TMCC1: variants seen among roughly 807,000 people sequenced by gnomAD.
TMCC1 encodes the protein transmembrane and coiled-coil domains protein 1.
Under a neutral mutation model 52.4 loss-of-function variants are expected in TMCC1, and 15 were observed. That is an observed-to-expected ratio of 0.29 (90% CI 0.19 to 0.44). The LOEUF is 0.44. Among genes scored for constraint, TMCC1 ranks in the 20% least tolerant of loss-of-function variants. The pLI is 1.00. For synonymous variants in TMCC1, 279 were observed against 301.9 expected (o/e 0.92, Z 0.79); for missense variants, 503 against 806.0 (o/e 0.62, Z 4.55).
At chr3:129,678,176 T>A (rs964042368) in intron 4 of TMCC1, among the ~76,000 whole-genome samples, 1 of 151,622 alleles carries the variant, frequency 6.6e-6, no homozygotes, top group Non-Finnish European at 1.5e-5. Flanking sequence ...CTCCTTGGAC[T>A]CCCAAAGTGC....
intron 2 of TMCC1, among the ~76,000 whole-genome samples, chr3:129,842,476 A>AC (rs1198585445): frequency 0.017 from 2,309 of 132,566 alleles, 46 homozygotes; most frequent in African/African-American, 0.075. Context: ...AAAAAAAACA[A>AC]AACACACACA....
Position 129,648,042 on chromosome 3 carries a change from C to G in TMCC1, c.*3439G>C, listed in dbSNP as rs933739774. 6.6e-6 allele frequency: 1 copy of G among 152,660 alleles called. No individual in the cohort carries two copies. Among genetic ancestry groups the G allele is most frequent in the African/African-American group, 2.4e-5 (1 of 41,448 alleles). The allele number at this position is 152,660 out of a possible 1,614,324, so 9.5% of individuals were successfully genotyped here. A position where few individuals can be genotyped will look rare whatever the true frequency, so the allele number is the denominator to read the frequency against. ...AGTAGTCAATCCCTACTGAGGATAT[C>G]ACCTAGCATACACGACATACAGACA... On this transcript the variant is annotated 3_prime_UTR_variant, in exon 7 of 7. Transcript: ENST00000393238.
At chr3:129,677,665 G>A (rs1454952604) in intron 4 of TMCC1, among the ~76,000 whole-genome samples, 1 of 152,092 alleles carries the variant, frequency 6.6e-6, no homozygotes, top group East Asian at 1.9e-4. Context: ...TGCTCAATAG[G>A]GTCTATGATA....
At chr3:129,793,166 A>AACACACACACACAC (rs149082077) in intron 4 of TMCC1, among the ~76,000 whole-genome samples, 3 of 148,440 alleles carry the variant, frequency 2.0e-5, no homozygotes, top group African/African-American at 7.4e-5. Flanking sequence ...GAGGCCTTCA[A>AACACACACACACAC]ACACACACAC....
chr3:129,786,002 T>C (rs996949709), intron 4 of TMCC1, among the ~76,000 whole-genome samples: 6 of 150,522 alleles, frequency 4.0e-5, no homozygotes, highest in Admixed American at 6.7e-5. Flanking sequence ...TGGCGCGATG[T>C]TGGCTCACTG....
At chr3:129,734,077 T>C (rs2050748454) in intron 4 of TMCC1, among the ~76,000 whole-genome samples, 1 of 152,176 alleles carries the variant, frequency 6.6e-6, no homozygotes, top group Admixed American at 6.5e-5. Flanking sequence ...AATTAGTATA[T>C]ACTAGAGAAA....
chr3:129,759,752 C>T (rs1271118220), intron 4 of TMCC1, among the ~76,000 whole-genome samples: 3 of 97,828 alleles, frequency 3.1e-5, no homozygotes, highest in Non-Finnish European at 3.7e-5. Flanking sequence ...GACGGAGTGT[C>T]GTTCTGTCAC....
At chr3:129,772,190 C>T (rs1291671333) in intron 4 of TMCC1, among the ~76,000 whole-genome samples, 1 of 152,020 alleles carries the variant, frequency 6.6e-6, no homozygotes, top group Non-Finnish European at 1.5e-5. Flanking sequence ...GACCTCTTCT[C>T]TACAAAAAAT....
chr3:129,740,316 C>G (rs2051351972), intron 4 of TMCC1, among the ~76,000 whole-genome samples: 1 of 152,176 alleles, frequency 6.6e-6, no homozygotes, highest in Non-Finnish European at 1.5e-5. Flanking sequence ...CCTGTGCCAG[C>G]TGATGACATC....
intron 2 of TMCC1, among the ~76,000 whole-genome samples, chr3:129,853,716 C>T (rs1016081719): frequency 3.3e-5 from 5 of 151,876 alleles, no homozygotes; most frequent in Admixed American, 6.6e-5. Context: ...AATCCATTAT[C>T]TCCTCTTTTT....
chr3:129,718,136 T>C (rs1356645916), intron 4 of TMCC1, among the ~76,000 whole-genome samples: 3 of 152,204 alleles, frequency 2.0e-5, no homozygotes, highest in African/African-American at 7.2e-5. Context: ...ACTAAGTTTA[T>C]TTTATCATTT....
In TMCC1 at chr3:129,707,104, A is replaced by G. The variant is rs142979364; in HGVS notation, c.577-35840T>C. 4.0e-3 allele frequency among the ~76,000 whole-genome samples: 608 copies of G among 152,348 alleles called. 6 individuals are homozygous for G. The highest frequency in any genetic ancestry group is 0.014 in the African/African-American group (593 of 41,574). Reference sequence around the variant, plus strand: ...AGTTGGTGATGAGAAAATACCCCTCATATACTGTTGCCATCTGTTTACATC... The same window carrying G: ...AGTTGGTGATGAGAAAATACCCCTCGTATACTGTTGCCATCTGTTTACATC... On this transcript the variant is annotated intron_variant, in intron 4 of 6. Transcript: ENST00000393238.
intron 4 of TMCC1, among the ~76,000 whole-genome samples, chr3:129,734,324 T>G (rs2050770046): frequency 6.6e-6 from 1 of 152,206 alleles, no homozygotes; most frequent in Non-Finnish European, 1.5e-5. Flanking sequence ...GTATACAGAC[T>G]TGCATAACAT....
At chr3:129,824,428 A>T (rs1478062271) in intron 4 of TMCC1, among the ~76,000 whole-genome samples, 1 of 152,216 alleles carries the variant, frequency 6.6e-6, no homozygotes, top group Admixed American at 6.5e-5. Context: ...CAAGGTTAGG[A>T]ACAGTTAGCT....
intron 4 of TMCC1, among the ~76,000 whole-genome samples, chr3:129,795,593 T>C (rs974029943): frequency 1.3e-5 from 2 of 152,168 alleles, no homozygotes; most frequent in Admixed American, 6.5e-5. Context: ...TATTATCCTA[T>C]TGATTTATCA....
intron 4 of TMCC1, among the ~76,000 whole-genome samples, chr3:129,740,437 A>G (rs560135811): frequency 6.3e-4 from 96 of 152,314 alleles, no homozygotes; most frequent in Non-Finnish European, 1.2e-3. Flanking sequence ...GCATAGGATA[A>G]ATCAAGGAAT....
At chr3:129,761,109 A>T (rs975035216) in intron 4 of TMCC1, among the ~76,000 whole-genome samples, 3 of 150,858 alleles carry the variant, frequency 2.0e-5, no homozygotes, top group African/African-American at 7.3e-5. Context: ...GCGGATCACG[A>T]GGTCGGGGGA....
chr3:129,877,878 C>T (rs962472651), intron 2 of TMCC1, among the ~76,000 whole-genome samples: 43 of 152,052 alleles, frequency 2.8e-4, no homozygotes, highest in African/African-American at 9.7e-4. Flanking sequence ...TCTCATGATC[C>T]ACCCGCCTCG....
At chr3:129,816,331 T>C (rs1025483818) in intron 4 of TMCC1, among the ~76,000 whole-genome samples, 2 of 152,196 alleles carry the variant, frequency 1.3e-5, no homozygotes, top group African/African-American at 2.4e-5. Context: ...ATGGGATCAA[T>C]GTAACTGCCC....
Sources: gnomAD v4.1 joint callset for allele counts (sites outside exome capture counted in the v4.1 genomes callset) on GRCh38, gnomAD v4.1.1 for gene constraint, MANE v1.5 for transcripts, NCBI Gene and HGNC (gene_info 2026-07-23, HGNC 2026-07-21) for gene names.